TRDN: variants seen among roughly 807,000 people sequenced by gnomAD.
TRDN encodes the protein triadin, also known as triadin in skeletal muscle.
A neutral mutation model predicts 149.7 loss-of-function variants in TRDN; 161 were observed. The observed-to-expected ratio is 1.08, with a 90% confidence interval of 0.95 to 1.23. TRDN has a LOEUF of 1.23. Ranked by LOEUF, TRDN falls within the 50% of genes most tolerant of loss-of-function variation. The probability of loss-of-function intolerance (pLI) is 0.00; values close to 1 mark genes in which losing one functional copy is unlikely to be tolerated. For synonymous variants in TRDN, 294 were observed against 250.5 expected (o/e 1.17, Z -1.64); for missense variants, 896 against 823.5 (o/e 1.09, Z -1.08).
At chr6:123,403,380 C>T (rs1773061854) in intron 12 of TRDN, among the ~76,000 whole-genome samples, 1 of 152,032 alleles carries the variant, frequency 6.6e-6, no homozygotes, top group Admixed American at 6.6e-5. Context: ...GAATCCATTC[C>T]TGTGACAAAT....
chr6:123,403,061 T>C (rs891566872), intron 12 of TRDN, among the ~76,000 whole-genome samples: 1 of 152,130 alleles, frequency 6.6e-6, no homozygotes, highest in African/African-American at 2.4e-5. Flanking sequence ...AAGTGTAAAC[T>C]GAAATTAAGA....
chr6:123,271,830 A>G lies in TRDN; in HGVS notation c.1673-644T>C, dbSNP rs565360839. 1.3e-4 allele frequency among the ~76,000 whole-genome samples: 20 copies of G among 152,144 alleles called. No homozygotes were observed. In the East Asian group the frequency reaches 3.7e-3, roughly 28 times the overall value. Reference sequence around the variant, plus strand: ...GTTTCACTGGATAACAGAGAATTTAAAGAGCATGGTGGTGTAACTGAAGTA... The same window carrying G: ...GTTTCACTGGATAACAGAGAATTTAGAGAGCATGGTGGTGTAACTGAAGTA... On this transcript the variant is annotated intron_variant, in intron 29 of 40. Coordinates refer to ENST00000334268, the MANE Select transcript of TRDN (RefSeq NM_006073.4).
chr6:123,501,999 A>C (rs1778721550), intron 8 of TRDN: 2 of 984,946 alleles, frequency 2.0e-6, no homozygotes, highest in African/African-American at 3.5e-5. Flanking sequence ...CAAAAAATAC[A>C]TTCACATTCC....
At chr6:123,290,746 A>T (rs904958635) in intron 24 of TRDN, among the ~76,000 whole-genome samples, 1 of 152,214 alleles carries the variant, frequency 6.6e-6, no homozygotes, top group South Asian at 2.1e-4. Flanking sequence ...AAAGAAATAT[A>T]TCCTTTATTT....
At chr6:123,614,295 A>AAAAC (rs1170627399) in intron 1 of TRDN, among the ~76,000 whole-genome samples, 1 of 135,152 alleles carries the variant, frequency 7.4e-6, no homozygotes. Context: ...CATTAAAAAA[A>AAAAC]AAAACAAAAA....
At chr6:123,455,189 T>C (rs775553608) in intron 10 of TRDN, among the ~76,000 whole-genome samples, 121 of 152,192 alleles carry the variant, frequency 8.0e-4, no homozygotes, top group Non-Finnish European at 1.3e-3. Flanking sequence ...ACGAGAAAGA[T>C]TATTCAATAC....
intron 5 of TRDN, among the ~76,000 whole-genome samples, chr6:123,518,114 A>C (rs1452292245): frequency 6.6e-6 from 1 of 152,150 alleles, no homozygotes; most frequent in Non-Finnish European, 1.5e-5. Context: ...GCTTGCTTCC[A>C]ATTATGTGAA....
chr6:123,491,218 T>C (rs905316928), intron 9 of TRDN, among the ~76,000 whole-genome samples: 34 of 152,002 alleles, frequency 2.2e-4, no homozygotes, highest in African/African-American at 8.0e-4. Flanking sequence ...TTATGGACCA[T>C]CAAGGTTTAT....
chr6:123,438,928 C>T lies in TRDN; in HGVS notation c.991+16G>A, dbSNP rs1774732409. ...ACTAATTGATTTATGTGGTACATGGCTTTTAAATTTCCTACCTTTCTTTTT... is the reference window on the plus strand; with the variant it reads ...ACTAATTGATTTATGTGGTACATGGTTTTTAAATTTCCTACCTTTCTTTTT... On this transcript the variant is annotated intron_variant, in intron 11 of 40. Coordinates refer to ENST00000334268, the MANE Select transcript of TRDN (RefSeq NM_006073.4). 1 of 1,548,012 alleles carries T rather than the reference C, an allele frequency of 6.5e-7. No homozygotes were observed. Among genetic ancestry groups the T allele is most frequent in the Non-Finnish European group, 8.7e-7 (1 of 1,143,890 alleles).
rs145383794 is a variant in TRDN at position 123,600,175 on chromosome 6, C to T, written c.23-29043G>A. ...AAATGTGTACTGTATTAGAAATGAA[C>T]CCCTTTGTGCCCTTTTGTGTTACCG... On this transcript the variant is annotated intron_variant, in intron 1 of 40. Coordinates refer to ENST00000334268, the MANE Select transcript of TRDN (RefSeq NM_006073.4). Among the ~76,000 whole-genome samples the T allele has an allele frequency of 5.0e-3, 759 of 152,026 alleles. 5 individuals carry two copies. Among genetic ancestry groups the T allele is most frequent in the African/African-American group, 0.017 (718 of 41,490 alleles).
At chr6:123,592,696 A>G (rs1038155580) in intron 1 of TRDN, among the ~76,000 whole-genome samples, 12 of 152,196 alleles carry the variant, frequency 7.9e-5, no homozygotes, top group African/African-American at 2.7e-4. Flanking sequence ...AAGCATTACA[A>G]CTGCATTAGT....
At chr6:123,499,719 A>AAAAAATATATATATATATATATATATAT in intron 8 of TRDN, among the ~76,000 whole-genome samples, 1 of 47,684 alleles carries the variant, frequency 2.1e-5, no homozygotes, top group Non-Finnish European at 4.5e-5. Context: ...AAAAAAAAAA[A>AAAAAATATATATATATATATATATATAT]ATATATATAT....
intron 2 of TRDN, among the ~76,000 whole-genome samples, chr6:123,570,149 A>G (rs1252802795): frequency 6.6e-6 from 1 of 152,172 alleles, no homozygotes; most frequent in Non-Finnish European, 1.5e-5. Context: ...GGAGAAAGAA[A>G]AAAGGGGAGG....
intron 9 of TRDN, among the ~76,000 whole-genome samples, chr6:123,496,628 C>T (rs1160499862): frequency 6.6e-6 from 1 of 151,992 alleles, no homozygotes; most frequent in Non-Finnish European, 1.5e-5. Flanking sequence ...ATTAAAGATA[C>T]AAGACAAGGT....
chr6:123,456,000 G>A (rs1776097738), intron 10 of TRDN, among the ~76,000 whole-genome samples: 1 of 152,128 alleles, frequency 6.6e-6, no homozygotes, highest in African/African-American at 2.4e-5. Context: ...ACAAGAAAAA[G>A]TTGGTTGCAA....
chr6:123,295,427 T>G (rs566951562), intron 24 of TRDN, among the ~76,000 whole-genome samples: 41 of 152,310 alleles, frequency 2.7e-4, no homozygotes, highest in African/African-American at 9.6e-4. Context: ...TGGCTTGCCC[T>G]TGAATTCTTT....
chr6:123,586,449 G>T (rs1270296272), intron 1 of TRDN, among the ~76,000 whole-genome samples: 1 of 152,044 alleles, frequency 6.6e-6, no homozygotes, highest in East Asian at 1.9e-4. Flanking sequence ...AGGAAGATTT[G>T]GGATGAGTTG....
intron 1 of TRDN, among the ~76,000 whole-genome samples, chr6:123,624,819 T>C (rs935140470): frequency 3.3e-5 from 5 of 152,228 alleles, no homozygotes; most frequent in South Asian, 2.1e-4. Context: ...AAATCAGCAA[T>C]AGAGGTTCAA....
intron 19 of TRDN, among the ~76,000 whole-genome samples, chr6:123,373,474 T>C (rs1781397605): frequency 6.6e-6 from 1 of 152,176 alleles, no homozygotes; most frequent in Non-Finnish European, 1.5e-5. Flanking sequence ...GGGACTAATA[T>C]ATGCTCTATT....
Sources: gnomAD v4.1 joint callset for allele counts (sites outside exome capture counted in the v4.1 genomes callset) on GRCh38, gnomAD v4.1.1 for gene constraint, MANE v1.5 for transcripts, NCBI Gene and HGNC (gene_info 2026-07-23, HGNC 2026-07-21) for gene names.